NCOA7: variants seen among roughly 807,000 people sequenced by gnomAD.
NCOA7 encodes 140 kDa estrogen receptor-associated protein.
A neutral mutation model predicts 104.3 loss-of-function variants in NCOA7; 45 were observed. That is an observed-to-expected ratio of 0.43 (90% confidence interval 0.34 to 0.55). The LOEUF (loss-of-function observed/expected upper bound fraction) is 0.55, where lower values mean the gene tolerates loss of function less well. Among genes scored for constraint, NCOA7 ranks in the 20% least tolerant of loss-of-function variants. The pLI is 0.02. For missense variants in NCOA7, 1,041 were observed against 1,119.7 expected (o/e 0.93, Z 1.00); for synonymous variants, 398 against 402.3 (o/e 0.99, Z 0.13).
chr6:125,841,044 C>T (rs1157145189), intron 2 of NCOA7, among the ~76,000 whole-genome samples: 1 of 151,428 alleles, frequency 6.6e-6, no homozygotes, highest in African/African-American at 2.4e-5. Context: ...AGGCACCTGC[C>T]ACTGTGCCCA....
intron 1 of NCOA7, among the ~76,000 whole-genome samples, chr6:125,799,030 G>A (rs116420487): frequency 1.6e-3 from 245 of 152,230 alleles, no homozygotes; most frequent in African/African-American, 5.6e-3. Flanking sequence ...AGAATAAGCA[G>A]ACCAAGTAAA....
chr6:125,897,654 A>G (rs1311638067), intron 10 of NCOA7, among the ~76,000 whole-genome samples: 4 of 152,160 alleles, frequency 2.6e-5, no homozygotes, highest in African/African-American at 9.6e-5. Flanking sequence ...TTACTATAGT[A>G]AATGCAAATT....
chr6:125,866,439 A>G (rs72969772), intron 3 of NCOA7, among the ~76,000 whole-genome samples: 1,712 of 152,294 alleles, frequency 0.011, 21 homozygotes, highest in Non-Finnish European at 0.018. Context: ...CTTAGCCATT[A>G]TTCACCTAGC....
At chr6:125,918,299 T>C (rs1429853151) in intron 11 of NCOA7, among the ~76,000 whole-genome samples, 1 of 152,146 alleles carries the variant, frequency 6.6e-6, no homozygotes, top group Non-Finnish European at 1.5e-5. Flanking sequence ...CACCATCATA[T>C]AGGAAATAAT....
At chr6:125,827,553 G>A (rs528333269) in intron 2 of NCOA7, among the ~76,000 whole-genome samples, 1 of 152,276 alleles carries the variant, frequency 6.6e-6, no homozygotes, top group Admixed American at 6.5e-5. Context: ...CACAAGTTAT[G>A]TTCAAGGACC....
At chr6:125,870,356 T>C (rs1334753549) in intron 3 of NCOA7, among the ~76,000 whole-genome samples, 1 of 152,226 alleles carries the variant, frequency 6.6e-6, no homozygotes, top group Admixed American at 6.5e-5. Flanking sequence ...CAGTCATCCA[T>C]TTCTGGGTTT....
chr6:125,849,228 G>T (rs1368178232), intron 2 of NCOA7, among the ~76,000 whole-genome samples: 1 of 152,180 alleles, frequency 6.6e-6, no homozygotes, highest in Non-Finnish European at 1.5e-5. Flanking sequence ...GCTCACTTCT[G>T]CAGTCAGTCG....
At chr6:125,926,922 G>A (rs1314426298) in intron 13 of NCOA7, among the ~76,000 whole-genome samples, 1 of 152,202 alleles carries the variant, frequency 6.6e-6, no homozygotes, top group East Asian at 1.9e-4. Context: ...AGATGCTGAG[G>A]CAGTGGGCGT....
chr6:125,915,900 GTTA>G (rs1354080602), intron 11 of NCOA7, among the ~76,000 whole-genome samples: 1 of 152,146 alleles, frequency 6.6e-6, no homozygotes, highest in Non-Finnish European at 1.5e-5. Context: ...ATTTCACATA[GTTA>G]TTATGTGTCA....
At chr6:125,915,915 A>G (rs1456404589) in intron 11 of NCOA7, among the ~76,000 whole-genome samples, 1 of 152,224 alleles carries the variant, frequency 6.6e-6, no homozygotes, top group Non-Finnish European at 1.5e-5. Flanking sequence ...TATGTGTCAC[A>G]AAATATTGTT....
chr6:125,846,460 T>C (rs1321461225), intron 2 of NCOA7, among the ~76,000 whole-genome samples: 1 of 152,050 alleles, frequency 6.6e-6, no homozygotes, highest in African/African-American at 2.4e-5. Flanking sequence ...TTGAAAATCA[T>C]GTTAGCCTCT....
chr6:125,794,836 C>G lies in NCOA7; in HGVS notation c.-65+3769C>G, dbSNP rs977992102. On this transcript the variant is annotated intron_variant, in intron 1 of 15. Transcript: ENST00000392477. Reference sequence around the variant, plus strand: ...TTATATTTGGAGTACCTGCCTTAAACGCTATATAGGTTGAACAGGAGTTTC... The same window carrying G: ...TTATATTTGGAGTACCTGCCTTAAAGGCTATATAGGTTGAACAGGAGTTTC... Among the ~76,000 whole-genome samples the G allele has an allele frequency of 1.3e-4, 20 of 152,126 alleles. 1 individual carries two copies. The highest frequency in any genetic ancestry group is 1.3e-4 in the Admixed American group (2 of 15,274).
Position 125,915,495 on chromosome 6 carries a change from A to C in NCOA7, c.2244+15A>C. 2.5e-6 allele frequency: 4 copies of C among 1,613,500 alleles called. No individual in the cohort carries two copies. The East Asian group carries it at 6.7e-5, about 27-fold the overall frequency. ...AGAGCTGGGAGGTGAGCACTTGGGCAGGGTTAGACCGTCGTAGTTCCTAAG... is the reference window on the plus strand; with the variant it reads ...AGAGCTGGGAGGTGAGCACTTGGGCCGGGTTAGACCGTCGTAGTTCCTAAG... On this transcript the variant is annotated intron_variant, in intron 11 of 15. Coordinates refer to ENST00000392477, the MANE Select transcript of NCOA7 (RefSeq NM_181782.5).
intron 8 of NCOA7, among the ~76,000 whole-genome samples, chr6:125,887,135 A>G (rs1174282504): frequency 6.6e-6 from 1 of 152,232 alleles, no homozygotes; most frequent in Non-Finnish European, 1.5e-5. Context: ...GTAAAAGAAG[A>G]AAGGGGTAGA....
intron 6 of NCOA7, 56 bp downstream of exon 6, chr6:125,881,259 T>C (rs900823916): frequency 1.6e-6 from 2 of 1,233,222 alleles, no homozygotes; most frequent in Non-Finnish European, 1.2e-6. Context: ...TTTTAAGTTG[T>C]AGAATTCAAC....
intron 2 of NCOA7, among the ~76,000 whole-genome samples, chr6:125,848,817 G>T (rs1479791004): frequency 6.6e-6 from 1 of 152,050 alleles, no homozygotes; most frequent in African/African-American, 2.4e-5. Flanking sequence ...AATAAATAAT[G>T]TGTGGCTAAT....
intron 1 of NCOA7, among the ~76,000 whole-genome samples, chr6:125,801,564 A>G (rs1382730355): frequency 6.6e-6 from 1 of 152,126 alleles, no homozygotes. Flanking sequence ...GTATTTTCTC[A>G]CTTTCTGGAA....
At chr6:125,877,911 C>T (rs964611764) in intron 4 of NCOA7, among the ~76,000 whole-genome samples, 2 of 152,214 alleles carry the variant, frequency 1.3e-5, no homozygotes, top group Non-Finnish European at 2.9e-5. Context: ...AGTAGCCCCA[C>T]TTCCCCTGAG....
chr6:125,878,154 T>C lies in NCOA7; in HGVS notation c.352-109T>C, dbSNP rs1017364513. 95 of 561,450 alleles carry C rather than the reference T, an allele frequency of 1.7e-4. 1 individual carries two copies. Among genetic ancestry groups the C allele is most frequent in the African/African-American group, 1.6e-3 (82 of 51,738 alleles). The allele number at this position is 561,450 out of a possible 1,614,324, so 34.8% of individuals were successfully genotyped here. A position where few individuals can be genotyped will look rare whatever the true frequency, so the allele number is the denominator to read the frequency against. On this transcript the variant is annotated intron_variant, in intron 4 of 15. Coordinates refer to ENST00000392477, the MANE Select transcript of NCOA7 (RefSeq NM_181782.5). Reference sequence around the variant, plus strand: ...CATTCTTTCTTATAGTCTATCTTGATGGAACTATTAGTTTGTTATTTATTC... The same window carrying C: ...CATTCTTTCTTATAGTCTATCTTGACGGAACTATTAGTTTGTTATTTATTC...
Sources: allele counts gnomAD v4.1 joint callset (sites outside exome capture counted in the v4.1 genomes callset), GRCh38; gene constraint gnomAD v4.1.1; transcripts MANE v1.5; gene names NCBI Gene and HGNC (gene_info 2026-07-23, HGNC 2026-07-21).